Variants in UNC13C observed in about 807,000 individuals in gnomAD.
The protein encoded by UNC13C is protein unc-13 homolog C.
UNC13C carries 174 observed loss-of-function variants against 245.4 expected under a neutral mutation model. The observed-to-expected ratio is 0.71, with a 90% CI of 0.63 to 0.80. The LOEUF (loss-of-function observed/expected upper bound fraction) is 0.80. Among genes scored for constraint, UNC13C ranks in the 30% least tolerant of loss-of-function variants. The pLI, the probability that UNC13C is intolerant of heterozygous loss-of-function variation, is 0.00. For synonymous variants in UNC13C, 992 were observed against 895.1 expected, an observed-to-expected ratio of 1.11 and a Z score of -1.93; for missense variants, 2,829 against 2,602.9, an observed-to-expected ratio of 1.09 and a Z score of -1.89.
the UNC13C span, among the ~76,000 whole-genome samples, chr15:53,938,149 C>A: frequency 6.6e-6 from 1 of 151,736 alleles, no homozygotes; most frequent in South Asian, 2.1e-4. Context: ...ATCTCATGTG[C>A]AAAGACACAC....
At chr15:54,427,006 A>T (rs1047980310) in intron 19 of UNC13C, among the ~76,000 whole-genome samples, 4 of 151,850 alleles carry the variant, frequency 2.6e-5, no homozygotes, top group African/African-American at 9.7e-5. Context: ...CTAAAGCTAT[A>T]TCTGAATAAA....
At chr15:53,879,187 G>T in the UNC13C span, among the ~76,000 whole-genome samples, 2 of 151,924 alleles carry the variant, frequency 1.3e-5, no homozygotes, top group Non-Finnish European at 2.9e-5. Flanking sequence ...TTAGACACAG[G>T]GTCTCACTCT....
chr15:53,969,527 T>G, the UNC13C span, among the ~76,000 whole-genome samples: 14 of 151,346 alleles, frequency 9.3e-5, no homozygotes, highest in African/African-American at 3.2e-4. Flanking sequence ...TATAAAAAAT[T>G]TTTAAAAAAA....
At chr15:53,990,644 T>C (rs895150394) in intron 1 of UNC13C, among the ~76,000 whole-genome samples, 12 of 152,076 alleles carry the variant, frequency 7.9e-5, no homozygotes, top group African/African-American at 2.9e-4. Context: ...TTTAAGTGGA[T>C]TCAAGTTTCC....
At chr15:54,500,536 G>T (rs1356859) in intron 21 of UNC13C, among the ~76,000 whole-genome samples, 72,873 of 151,722 alleles carry the variant, frequency 0.48, 17,848 homozygotes, top group East Asian at 0.72. Context: ...TCCCAAAATC[G>T]TGAGCCACAA....
chr15:54,095,961 G>A (rs980663077), intron 2 of UNC13C, among the ~76,000 whole-genome samples: 3 of 152,170 alleles, frequency 2.0e-5, no homozygotes, highest in African/African-American at 7.2e-5. Flanking sequence ...TCGAATTGAG[G>A]AAACTGGTCA....
At chr15:54,392,070 G>T (rs1007500002) in intron 17 of UNC13C, among the ~76,000 whole-genome samples, 2 of 151,998 alleles carry the variant, frequency 1.3e-5, no homozygotes, top group African/African-American at 4.8e-5. Flanking sequence ...CAAATATCCT[G>T]CACCTATAAG....
chr15:53,983,220 G>A (rs972317932), intron 1 of UNC13C, among the ~76,000 whole-genome samples: 4 of 152,028 alleles, frequency 2.6e-5, no homozygotes, highest in African/African-American at 9.7e-5. Flanking sequence ...GTCATTTGTG[G>A]AACAATGCTT....
chr15:54,543,930 C>T (rs978602788), intron 26 of UNC13C, among the ~76,000 whole-genome samples: 2 of 152,138 alleles, frequency 1.3e-5, no homozygotes, highest in Non-Finnish European at 2.9e-5. Flanking sequence ...AGGGACTCAT[C>T]CTTAACTGAT....
intron 21 of UNC13C, 80 bp downstream of exon 21, chr15:54,500,255 G>C (rs1453588211): frequency 2.0e-6 from 2 of 1,021,668 alleles, no homozygotes; most frequent in African/African-American, 3.3e-5. Flanking sequence ...GGAATTATTA[G>C]ACTCATTGTT....
intron 30 of UNC13C, among the ~76,000 whole-genome samples, chr15:54,601,919 C>A (rs1043531096): frequency 1.3e-5 from 2 of 152,152 alleles, no homozygotes; most frequent in African/African-American, 4.8e-5. Flanking sequence ...TAGTGATTTC[C>A]AGTCTCTCCC....
At chr15:54,344,963 A>G (rs1248665198) in intron 17 of UNC13C, among the ~76,000 whole-genome samples, 1 of 140,048 alleles carries the variant, frequency 7.1e-6, no homozygotes, top group East Asian at 2.0e-4. Context: ...TTATTTTTTA[A>G]AAAAGGAAGT....
chr15:54,005,489 C>G (rs886611914), intron 1 of UNC13C, among the ~76,000 whole-genome samples: 2 of 152,144 alleles, frequency 1.3e-5, no homozygotes, highest in African/African-American at 4.8e-5. Flanking sequence ...GTATCTACCA[C>G]AAGTTTACTA....
chr15:54,607,434 C>A (rs1457535571), intron 30 of UNC13C, among the ~76,000 whole-genome samples: 1 of 152,144 alleles, frequency 6.6e-6, no homozygotes, highest in Non-Finnish European at 1.5e-5. Flanking sequence ...CTATCTTCTA[C>A]CTGGGAGTTC....
intron 8 of UNC13C, among the ~76,000 whole-genome samples, chr15:54,261,586 A>G (rs1404089601): frequency 1.3e-5 from 2 of 152,154 alleles, no homozygotes; most frequent in Admixed American, 1.3e-4. Context: ...TCTGTCGCCC[A>G]GGCTGCGGTG....
At chr15:54,446,821 C>T (rs547297939) in intron 19 of UNC13C, among the ~76,000 whole-genome samples, 2 of 152,150 alleles carry the variant, frequency 1.3e-5, no homozygotes, top group Non-Finnish European at 2.9e-5. Context: ...GAACTTCCAA[C>T]ACTATGTTGA....
intron 10 of UNC13C, among the ~76,000 whole-genome samples, chr15:54,291,761 T>C (rs951440394): frequency 3.3e-5 from 5 of 152,046 alleles, no homozygotes; most frequent in African/African-American, 1.2e-4. Context: ...TCAGACCCAG[T>C]GAATCACTTT....
intron 30 of UNC13C, among the ~76,000 whole-genome samples, chr15:54,619,216 T>C (rs187843704): frequency 2.6e-5 from 4 of 151,938 alleles, no homozygotes; most frequent in Admixed American, 6.6e-5. Flanking sequence ...TGCTAAGATA[T>C]CTGTATCTTT....
chr15:54,029,722 T>G (rs985330954), intron 2 of UNC13C, among the ~76,000 whole-genome samples: 4 of 152,154 alleles, frequency 2.6e-5, no homozygotes, highest in Non-Finnish European at 5.9e-5. Flanking sequence ...TTTGCATGCA[T>G]TTTCCCACTT....
Sources: allele counts gnomAD v4.1 joint callset (sites outside exome capture counted in the v4.1 genomes callset), GRCh38; gene constraint gnomAD v4.1.1; transcripts MANE v1.5; gene names NCBI Gene and HGNC (gene_info 2026-07-23, HGNC 2026-07-21).